TP53BP2: variants seen among roughly 807,000 people sequenced by gnomAD.
TP53BP2 encodes tumor protein p53 binding protein 2, also known as apoptosis-stimulating of p53 protein 2.
A neutral mutation model predicts 126.2 loss-of-function variants in TP53BP2; 62 were observed. The observed-to-expected ratio is 0.49, with a 90% CI of 0.40 to 0.61. TP53BP2 has a LOEUF of 0.61. TP53BP2 is among the 20% of genes least tolerant of loss of function. The pLI is 0.00. For missense variants in TP53BP2, 1,215 were observed against 1,402.8 expected, an observed-to-expected ratio of 0.87 and a Z score of 2.14; for synonymous variants, 485 against 502.9, an observed-to-expected ratio of 0.96 and a Z score of 0.48.
intron 17 of TP53BP2, among the ~76,000 whole-genome samples, chr1:223,783,709 T>A (rs980379432): frequency 1.3e-5 from 2 of 152,212 alleles, no homozygotes; most frequent in African/African-American, 4.8e-5. Flanking sequence ...ATGATATTAT[T>A]TTCTTGCTTT....
At chr1:223,813,034 G>A (rs192655663) in intron 3 of TP53BP2, among the ~76,000 whole-genome samples, 6 of 152,192 alleles carry the variant, frequency 3.9e-5, no homozygotes, top group Admixed American at 2.0e-4. Context: ...AACCCTGCTC[G>A]TTCTCCCACA....
At position 223,798,532 on chromosome 1, in the gene TP53BP2, G is replaced by T; in HGVS notation, c.1631C>A (p.Pro544Gln). The T allele has an allele frequency of 6.2e-7, 1 of 1,614,142 alleles. No individual in the cohort carries two copies. Among genetic ancestry groups the T allele is most frequent in the Non-Finnish European group, 8.5e-7 (1 of 1,180,010 alleles). ...TGGTTTTGGTTTAGTTCCCATGGAC[G>T]GAACAACTGTTGACAACTGCTGAGA... The part of the protein sequence containing the change: ...GSSQQLSTVV[P>Q]SMGTKPKPAG... The change falls in exon 12 of 18, where the codon CCG becomes CAG. Residue 544 changes from proline to glutamine, a missense_variant. Pro to Gln is a moderately conservative substitution (Grantham distance 76). Coordinates refer to ENST00000343537, the MANE Select transcript of TP53BP2 (RefSeq NM_001031685.3).
Position 223,790,182 on chromosome 1 carries a change from G to A in TP53BP2, c.2997-1008C>T, listed in dbSNP as rs146939078. Among the ~76,000 whole-genome samples, 1,058 of 152,020 alleles carry A rather than the reference G, an allele frequency of 7.0e-3. 13 individuals carry two copies. Among genetic ancestry groups the A allele is most frequent in the Admixed American group, 0.016 (248 of 15,254 alleles). ...CTGAGGCATGAGAATCACCTGAACA[G>A]GAGGTGGAGGTTGCAGTGAGCCAAG... On this transcript the variant is annotated intron_variant, in intron 15 of 17. Coordinates refer to ENST00000343537, the MANE Select transcript of TP53BP2 (RefSeq NM_001031685.3).
intron 9 of TP53BP2, chr1:223,801,829 G>C: frequency 4.3e-6 from 1 of 230,608 alleles, no homozygotes; most frequent in South Asian, 7.0e-5. Context: ...AATTTCCTTA[G>C]TAACAATAAG....
intron 15 of TP53BP2, among the ~76,000 whole-genome samples, chr1:223,789,587 C>T (rs918696027): frequency 2.6e-4 from 39 of 152,232 alleles, no homozygotes; most frequent in Admixed American, 9.2e-4. Flanking sequence ...ACTCAAAACA[C>T]TGGCCTTTAA....
chr1:223,836,227 T>C (rs948570332), intron 1 of TP53BP2, among the ~76,000 whole-genome samples: 2 of 152,214 alleles, frequency 1.3e-5, no homozygotes, highest in Middle Eastern at 3.2e-3. Flanking sequence ...CAAAGTCCGA[T>C]GGAGCGGAGC....
Position 223,814,284 on chromosome 1 carries a change from A to T in TP53BP2, c.245T>A (p.Val82Asp). The T allele has an allele frequency of 6.2e-7, 1 of 1,613,976 alleles. No homozygotes were observed. Among genetic ancestry groups the T allele is most frequent in the Non-Finnish European group, 8.5e-7 (1 of 1,179,838 alleles). The change falls in exon 3 of 18, where the codon GTT becomes GAT. Residue 82 changes from valine to aspartate, a missense_variant. Around this residue, in one of 4 missense-constraint regions of TP53BP2, gnomAD observed 814 missense variants for 853.0 expected, o/e 0.95. Coordinates refer to ENST00000343537, the MANE Select transcript of TP53BP2 (RefSeq NM_001031685.3). ...LQRFGSQRNE[V>D]RFFLRHERPP... ...GCGTTCATGACGAAGGAAGAAGCGA[A>T]CTTCGTTCCTCTGACTTCCAAATCG...
chr1:223,839,012 C>CT (rs75469632), intron 1 of TP53BP2, among the ~76,000 whole-genome samples: 31,267 of 140,582 alleles, frequency 0.22, 3,735 homozygotes, highest in African/African-American at 0.33. Flanking sequence ...CCATTTTTTT[C>CT]TTTTTTTTTT....
intron 1 of TP53BP2, among the ~76,000 whole-genome samples, chr1:223,842,280 T>C (rs776299381): frequency 9.2e-5 from 14 of 152,214 alleles, no homozygotes; most frequent in Non-Finnish European, 1.8e-4. Context: ...GGCTATATGA[T>C]GACATCGGTT....
chr1:223,809,156 C>T (rs952259075), intron 4 of TP53BP2, among the ~76,000 whole-genome samples: 1 of 152,140 alleles, frequency 6.6e-6, no homozygotes, highest in African/African-American at 2.4e-5. Flanking sequence ...CATCCTCATG[C>T]CTCAGCCTCT....
chr1:223,802,572 TAAAAAA>T lies in TP53BP2; in HGVS notation c.996+153_996+158del. On this transcript the variant is annotated intron_variant, in intron 8 of 17. Transcript: ENST00000343537. ...CTACACAGGTAATAACATTAAAAAG[TAAAAAA>T]GCAGCGGATTGTCTTTTAAGGATCC... 4.0e-6 allele frequency: 4 copies of T among 1,005,200 alleles called. No individual in the cohort carries two copies. In the East Asian group the frequency reaches 9.7e-5, roughly 24 times the overall value. The allele number at this position is 1,005,200 out of a possible 1,614,324, so 62.3% of individuals were successfully genotyped here.
At chr1:223,835,009 A>G (rs558428522) in intron 1 of TP53BP2, among the ~76,000 whole-genome samples, 1 of 152,086 alleles carries the variant, frequency 6.6e-6, no homozygotes, top group Admixed American at 6.5e-5. Flanking sequence ...TCCCCAAAAA[A>G]CTCTGTCAGA....
At chr1:223,833,025 AT>A (rs1663794458) in intron 1 of TP53BP2, among the ~76,000 whole-genome samples, 1 of 152,182 alleles carries the variant, frequency 6.6e-6, no homozygotes, top group Admixed American at 6.5e-5. Context: ...CTCCCTGACG[AT>A]GGGTCCCAAC....
chr1:223,804,966 C>T (rs1055812687), intron 5 of TP53BP2, among the ~76,000 whole-genome samples: 7 of 152,162 alleles, frequency 4.6e-5, no homozygotes, highest in Non-Finnish European at 1.0e-4. Context: ...AAATATTTAA[C>T]ACCTTTAGAA....
At chr1:223,809,709 G>T (rs923169721) in intron 4 of TP53BP2, among the ~76,000 whole-genome samples, 2 of 152,176 alleles carry the variant, frequency 1.3e-5, no homozygotes, top group African/African-American at 4.8e-5. Flanking sequence ...TTGGAGAAAG[G>T]TAGTTTAGCT....
intron 1 of TP53BP2, among the ~76,000 whole-genome samples, chr1:223,827,793 GA>G (rs796780108): frequency 4.1e-4 from 60 of 146,976 alleles, no homozygotes; most frequent in African/African-American, 8.5e-4. Context: ...CTTGGAAGAG[GA>G]AAAAAAAAAT....
intron 17 of TP53BP2, among the ~76,000 whole-genome samples, chr1:223,781,574 AG>A (rs1462712347): frequency 1.3e-5 from 2 of 152,258 alleles, no homozygotes; most frequent in Non-Finnish European, 2.9e-5. Context: ...AAGAAGAGGA[AG>A]AAAAAGGATT....
intron 17 of TP53BP2, among the ~76,000 whole-genome samples, chr1:223,782,584 C>A (rs1661810938): frequency 6.6e-6 from 1 of 152,120 alleles, no homozygotes; most frequent in South Asian, 2.1e-4. Flanking sequence ...CCAGGCTCAA[C>A]CGACTCTCCT....
At chr1:223,839,029 A>G (rs1478159952) in intron 1 of TP53BP2, among the ~76,000 whole-genome samples, 1 of 132,436 alleles carries the variant, frequency 7.6e-6, no homozygotes, top group East Asian at 2.2e-4. Flanking sequence ...TTTTTTTTCC[A>G]TTTTTCCTTT....
Sources: allele counts gnomAD v4.1 joint callset (sites outside exome capture counted in the v4.1 genomes callset), GRCh38; gene constraint gnomAD v4.1.1; regional missense constraint gnomAD v4.1.1; transcripts MANE v1.5; gene names NCBI Gene and HGNC (gene_info 2026-07-23, HGNC 2026-07-21).